KHDRBS3: variants seen among roughly 807,000 people sequenced by gnomAD.
The protein encoded by KHDRBS3 is KH RNA binding domain containing, signal transduction associated 3.
A neutral mutation model predicts 45.6 loss-of-function variants in KHDRBS3; 23 were observed. That is an observed-to-expected ratio of 0.50 (90% CI 0.36 to 0.72). The LOEUF is 0.72. KHDRBS3 is among the 30% of genes least tolerant of loss of function. KHDRBS3 has a pLI of 0.00. For synonymous variants in KHDRBS3, 162 were observed against 156.5 expected, an observed-to-expected ratio of 1.04 and a Z score of -0.26; for missense variants, 352 against 424.8, an observed-to-expected ratio of 0.83 and a Z score of 1.51.
chr8:135,628,686 A>C (rs1435045503), intron 7 of KHDRBS3, among the ~76,000 whole-genome samples: 3 of 152,170 alleles, frequency 2.0e-5, no homozygotes, highest in Non-Finnish European at 2.9e-5. Flanking sequence ...TAGTAGTTGC[A>C]ATAGGGTCAT....
chr8:135,600,790 C>T (rs981077736), intron 6 of KHDRBS3, among the ~76,000 whole-genome samples: 2 of 152,194 alleles, frequency 1.3e-5, no homozygotes, highest in African/African-American at 4.8e-5. Context: ...CCTCCGCCTC[C>T]CGGGTTCAAG....
At chr8:135,609,805 A>G (rs964179276) in intron 7 of KHDRBS3, among the ~76,000 whole-genome samples, 2 of 151,800 alleles carry the variant, frequency 1.3e-5, no homozygotes, top group East Asian at 3.8e-4. Context: ...TTCAAATGCA[A>G]GCATGTTTTT....
downstream of KHDRBS3, among the ~76,000 whole-genome samples, chr8:135,652,175 T>C (rs1473765308): frequency 6.6e-6 from 1 of 152,194 alleles, no homozygotes; most frequent in African/African-American, 2.4e-5. Context: ...AATAACAGTC[T>C]ATTTTATGCC....
At chr8:135,605,676 A>G (rs188168576) in intron 6 of KHDRBS3, among the ~76,000 whole-genome samples, 3 of 152,278 alleles carry the variant, frequency 2.0e-5, no homozygotes, top group African/African-American at 4.8e-5. Context: ...GGTTCTCCAT[A>G]TATATGAGTT....
chr8:135,602,740 G>A (rs1175681451), intron 6 of KHDRBS3, among the ~76,000 whole-genome samples: 1 of 152,138 alleles, frequency 6.6e-6, no homozygotes, highest in African/African-American at 2.4e-5. Flanking sequence ...CTGGTTGCAA[G>A]TCTCAACTTC....
chr8:135,483,048 G>T (rs553923114), intron 1 of KHDRBS3, among the ~76,000 whole-genome samples: 1 of 151,906 alleles, frequency 6.6e-6, no homozygotes, highest in Admixed American at 6.6e-5. Flanking sequence ...ATCATTATTT[G>T]TTTTTTTTGT....
At chr8:135,636,456 GT>G (rs2131162097) in intron 7 of KHDRBS3, among the ~76,000 whole-genome samples, 1 of 152,252 alleles carries the variant, frequency 6.6e-6, no homozygotes, top group African/African-American at 2.4e-5. Flanking sequence ...CACATAAAAG[GT>G]CAGTATAGTG....
rs550255265 is a variant in KHDRBS3 at position 135,546,722 on chromosome 8, C to A, written c.325-2032C>A. On this transcript the variant is annotated intron_variant, in intron 3 of 8. Coordinates refer to ENST00000355849, the MANE Select transcript of KHDRBS3 (RefSeq NM_006558.3). ...TATTATTTTCCCCACTTAAAAATCA[C>A]CCCTTTAAGATGAGGGTAATGTAAT... Among the ~76,000 whole-genome samples the A allele has an allele frequency of 5.3e-4, 80 of 152,256 alleles. No homozygotes were observed. The South Asian group carries it at 0.011, about 21-fold the overall frequency.
intron 7 of KHDRBS3, among the ~76,000 whole-genome samples, chr8:135,639,328 A>T (rs1261433027): frequency 6.6e-6 from 1 of 152,186 alleles, no homozygotes; most frequent in Non-Finnish European, 1.5e-5. Context: ...CTAGAGTGTG[A>T]CGTGGAGGGA....
chr8:135,513,339 T>C (rs1824402679), intron 1 of KHDRBS3, among the ~76,000 whole-genome samples: 1 of 152,250 alleles, frequency 6.6e-6, no homozygotes, highest in African/African-American at 2.4e-5. Flanking sequence ...CAAATGCCTA[T>C]ATAGAACTTA....
intron 2 of KHDRBS3, chr8:135,539,185 C>T (rs1825925655): frequency 6.6e-6 from 1 of 152,196 alleles, no homozygotes; most frequent in African/African-American, 2.4e-5. Flanking sequence ...AGTAGTGACC[C>T]TAGTCATTGT....
intron 1 of KHDRBS3, among the ~76,000 whole-genome samples, chr8:135,492,353 C>T (rs948272662): frequency 3.9e-5 from 6 of 152,072 alleles, no homozygotes; most frequent in African/African-American, 1.4e-4. Flanking sequence ...ACTTGTATAT[C>T]TGTGGAACTA....
intron 1 of KHDRBS3, among the ~76,000 whole-genome samples, chr8:135,507,135 G>A (rs183582692): frequency 4.6e-5 from 7 of 152,060 alleles, no homozygotes; most frequent in African/African-American, 1.4e-4. Context: ...TATAATTATT[G>A]GCAAATTCTT....
intron 1 of KHDRBS3, among the ~76,000 whole-genome samples, chr8:135,470,878 G>A (rs1360927490): frequency 6.6e-6 from 1 of 152,078 alleles, no homozygotes; most frequent in African/African-American, 2.4e-5. Flanking sequence ...GAGCCACCCC[G>A]CCCAGCTGGG....
intron 7 of KHDRBS3, among the ~76,000 whole-genome samples, chr8:135,626,661 G>A (rs1008790714): frequency 1.3e-5 from 2 of 151,974 alleles, no homozygotes; most frequent in Admixed American, 6.6e-5. Flanking sequence ...AAAATTAGCC[G>A]GGCGTGTTGG....
At position 135,627,685 on chromosome 8, in the gene KHDRBS3, A is replaced by T. The variant is rs559801581; in HGVS notation, c.891-17374A>T. On this transcript the variant is annotated intron_variant, in intron 7 of 8. Coordinates refer to ENST00000355849, the MANE Select transcript of KHDRBS3 (RefSeq NM_006558.3). ...AAAAAAAATAGTTCAGTGAAAGTTAACATACGTATACACCCACATAACCAT... is the reference window on the plus strand; with the variant it reads ...AAAAAAAATAGTTCAGTGAAAGTTATCATACGTATACACCCACATAACCAT... Among the ~76,000 whole-genome samples, 22 of 152,336 alleles carry T rather than the reference A, an allele frequency of 1.4e-4. No individual in the cohort carries two copies. In the South Asian group the frequency reaches 4.6e-3, roughly 32 times the overall value.
intron 7 of KHDRBS3, among the ~76,000 whole-genome samples, chr8:135,619,321 T>C (rs1329272550): frequency 6.6e-6 from 1 of 152,130 alleles, no homozygotes; most frequent in Non-Finnish European, 1.5e-5. Flanking sequence ...TTATCAAAAG[T>C]ATTGGATATA....
At chr8:135,558,258 G>GCC (rs1826987753) in intron 5 of KHDRBS3, among the ~76,000 whole-genome samples, 1 of 152,116 alleles carries the variant, frequency 6.6e-6, no homozygotes, top group African/African-American at 2.4e-5. Flanking sequence ...CCTTGGATTG[G>GCC]TGATTAATGT....
At chr8:135,528,918 A>T (rs995853611) in intron 2 of KHDRBS3, among the ~76,000 whole-genome samples, 2 of 152,198 alleles carry the variant, frequency 1.3e-5, no homozygotes, top group African/African-American at 4.8e-5. Context: ...AATTACCCCC[A>T]CAGTGGCCAT....
Sources: allele counts gnomAD v4.1 joint callset (sites outside exome capture counted in the v4.1 genomes callset), GRCh38; gene constraint gnomAD v4.1.1; transcripts MANE v1.5; gene names NCBI Gene and HGNC (gene_info 2026-07-23, HGNC 2026-07-21).